Variants in VAV3 observed in about 807,000 individuals in gnomAD.
VAV3 encodes the protein vav guanine nucleotide exchange factor 3.
Under a neutral mutation model 131.2 loss-of-function variants are expected in VAV3, and 94 were observed. The observed-to-expected ratio is 0.72, with a 90% CI of 0.61 to 0.85. The LOEUF (loss-of-function observed/expected upper bound fraction) is 0.85. Among genes scored for constraint, VAV3 ranks in the 40% least tolerant of loss-of-function variants. The pLI, the probability that VAV3 is intolerant of heterozygous loss-of-function variation, is 0.00. For synonymous variants in VAV3, 349 were observed against 342.0 expected, an observed-to-expected ratio of 1.02 and a Z score of -0.22; for missense variants, 939 against 1,002.7, an observed-to-expected ratio of 0.94 and a Z score of 0.86.
chr1:107,572,042 T>C lies in VAV3; in HGVS notation c.*1289A>G, dbSNP rs552738260. On this transcript the variant is annotated 3_prime_UTR_variant, in exon 27 of 27. Transcript: ENST00000370056. ...CACAACTTCTGCTATGGAGGAAATA[T>C]TTCCATCAGGAAAGGGCCAAGTTAG... The C allele has an allele frequency of 2.6e-5, 4 of 152,248 alleles. No individual in the cohort carries two copies. The highest frequency in any genetic ancestry group is 7.2e-5 in the African/African-American group (3 of 41,460). 9.4% of individuals were successfully genotyped at this position (152,248 alleles called of 1,614,324 possible). A position where few individuals can be genotyped will look rare whatever the true frequency, so the allele number is the denominator to read the frequency against.
chr1:107,750,507 CAG>C (rs1481340997), intron 13 of VAV3, among the ~76,000 whole-genome samples: 1 of 152,124 alleles, frequency 6.6e-6, no homozygotes, highest in Admixed American at 6.6e-5. Flanking sequence ...CTATTTCTCC[CAG>C]AGAGGTTTAA....
At chr1:107,778,101 CAT>C (rs1194213653) in intron 3 of VAV3, among the ~76,000 whole-genome samples, 11 of 152,208 alleles carry the variant, frequency 7.2e-5, no homozygotes, top group Admixed American at 2.6e-4. Context: ...CAGCATATCA[CAT>C]GTTTCATAAA....
intron 2 of VAV3, among the ~76,000 whole-genome samples, chr1:107,784,014 A>C (rs953987315): frequency 5.3e-5 from 8 of 152,004 alleles, no homozygotes; most frequent in African/African-American, 1.9e-4. Flanking sequence ...GAGCTGAGAT[A>C]GTGCCACTGC....
chr1:107,832,961 A>G lies in VAV3; in HGVS notation c.321+41940T>C, dbSNP rs558769121. On this transcript the variant is annotated intron_variant, in intron 2 of 26. Transcript: ENST00000370056. ...GAATTTTCACTATCAAAAGTTTTAA[A>G]AAGTTTGATATAACAGTGAAAATCT... 9.2e-5 allele frequency among the ~76,000 whole-genome samples: 14 copies of G among 152,354 alleles called. No individual in the cohort carries two copies. The East Asian group carries it at 2.3e-3, about 25-fold the overall frequency.
intron 14 of VAV3, 26 bp downstream of exon 14, chr1:107,749,436 A>T (rs772306838): frequency 1.3e-6 from 2 of 1,577,098 alleles, no homozygotes; most frequent in Admixed American, 4.0e-5. Flanking sequence ...TAAGTAAATT[A>T]CAGTTATTAG....
chr1:107,668,908 T>G, intron 19 of VAV3: 5 of 986,718 alleles, frequency 5.1e-6, no homozygotes, highest in Non-Finnish European at 6.0e-6. Flanking sequence ...GCTGTAACAG[T>G]TAGTTCACAA....
intron 2 of VAV3, among the ~76,000 whole-genome samples, chr1:107,807,661 C>A (rs1447490836): frequency 1.3e-5 from 2 of 152,214 alleles, no homozygotes; most frequent in African/African-American, 4.8e-5. Context: ...CATACACACT[C>A]CTACCTCCTA....
chr1:107,891,461 A>G (rs1034415983), intron 1 of VAV3, among the ~76,000 whole-genome samples: 1 of 152,166 alleles, frequency 6.6e-6, no homozygotes, highest in Admixed American at 6.5e-5. Context: ...GAAAACTAGG[A>G]ACAAAAGACC....
Position 107,577,683 on chromosome 1 carries a change from C to T in VAV3, c.2351-3485G>A, listed in dbSNP as rs565673008. On this transcript the variant is annotated intron_variant, in intron 25 of 26. Coordinates refer to ENST00000370056, the MANE Select transcript of VAV3 (RefSeq NM_006113.5). The stretch of plus-strand genomic sequence containing the variant: ...GAATATGAAAGCTACTATCTTGGTT[C>T]ATGAGGAGGAAAGCCTCCCCTTCAG... Among the ~76,000 whole-genome samples, 3 of 152,302 alleles carry T rather than the reference C, an allele frequency of 2.0e-5. No individual in the cohort carries two copies. In the South Asian group the frequency reaches 6.2e-4, roughly 32 times the overall value.
At chr1:107,719,034 T>C (rs1267056852) in intron 15 of VAV3, among the ~76,000 whole-genome samples, 1 of 152,210 alleles carries the variant, frequency 6.6e-6, no homozygotes, top group Non-Finnish European at 1.5e-5. Context: ...ATCCCTTCCT[T>C]ACACCTTATA....
chr1:107,642,679 C>T lies in VAV3; in HGVS notation c.1854G>A (p.Gln618=), dbSNP rs12403266. 6.2e-7 allele frequency: 1 copy of T among 1,613,204 alleles called. No individual in the cohort carries two copies. The highest frequency in any genetic ancestry group is 8.5e-7 in the Non-Finnish European group (1 of 1,179,566). Residue 618 remains glutamine (Q), a synonymous_variant, in exon 20 of 27, where the codon CAG becomes CAA. Coordinates refer to ENST00000370056, the MANE Select transcript of VAV3 (RefSeq NM_006113.5). ...PPALHEGPPL[Q]LQAGDTVELL... ...GTTCAACGGTATCCCCGGCCTGGAG[C>T]TGTAAAGGGGGTCCTTCATGCAGAG...
chr1:107,669,463 C>A, intron 19 of VAV3: 1 of 1,286,482 alleles, frequency 7.8e-7, no homozygotes, highest in Non-Finnish European at 1.0e-6. Flanking sequence ...ATGAAGGAGA[C>A]AGGGCACATC....
At chr1:107,949,047 C>T (rs977048013) in intron 1 of VAV3, among the ~76,000 whole-genome samples, 1 of 152,120 alleles carries the variant, frequency 6.6e-6, no homozygotes, top group African/African-American at 2.4e-5. Context: ...CTTAAACAGG[C>T]TTAATGAAAA....
At chr1:107,643,982 C>T (rs377498341) in intron 19 of VAV3, among the ~76,000 whole-genome samples, 3 of 152,040 alleles carry the variant, frequency 2.0e-5, no homozygotes, top group African/African-American at 7.2e-5. Context: ...TCCTCCTTTG[C>T]TTCTGTTCTT....
At chr1:107,728,259 C>T (rs967665287) in intron 15 of VAV3, among the ~76,000 whole-genome samples, 1 of 152,088 alleles carries the variant, frequency 6.6e-6, no homozygotes, top group African/African-American at 2.4e-5. Context: ...GGGAAAGGTA[C>T]TCACTAACAC....
chr1:107,715,668 G>C (rs1661049913), intron 15 of VAV3, among the ~76,000 whole-genome samples: 1 of 152,072 alleles, frequency 6.6e-6, no homozygotes, highest in South Asian at 2.1e-4. Flanking sequence ...CCATTAAAAT[G>C]CATTGTTCAT....
At chr1:107,941,500 G>A (rs964591221) in intron 1 of VAV3, among the ~76,000 whole-genome samples, 4 of 152,082 alleles carry the variant, frequency 2.6e-5, no homozygotes, top group Non-Finnish European at 4.4e-5. Flanking sequence ...AACCATTTCC[G>A]AGGCCAACAT....
At chr1:107,670,447 A>G (rs568230450) in intron 19 of VAV3, among the ~76,000 whole-genome samples, 17 of 152,344 alleles carry the variant, frequency 1.1e-4, no homozygotes, top group African/African-American at 3.8e-4. Context: ...ATAACAGCCA[A>G]ATTAAAACCT....
At chr1:107,846,846 A>C (rs1038132591) in intron 2 of VAV3, among the ~76,000 whole-genome samples, 4 of 152,260 alleles carry the variant, frequency 2.6e-5, no homozygotes, top group Admixed American at 2.0e-4. Flanking sequence ...CCCCACTGTC[A>C]ATATTAGACA....
Sources: gnomAD v4.1 joint callset for allele counts (sites outside exome capture counted in the v4.1 genomes callset) on GRCh38, gnomAD v4.1.1 for gene constraint, MANE v1.5 for transcripts, NCBI Gene and HGNC (gene_info 2026-07-23, HGNC 2026-07-21) for gene names.